Variants in DLG2 observed in about 807,000 individuals in gnomAD.
DLG2 encodes discs large MAGUK scaffold protein 2.
In DLG2, 45 loss-of-function variants were observed where a neutral mutation model predicts 132.5. That is an observed-to-expected ratio of 0.34 (90% confidence interval 0.27 to 0.44). DLG2 has a LOEUF of 0.44. Among genes scored for constraint, DLG2 ranks in the 20% least tolerant of loss-of-function variants. The probability of loss-of-function intolerance (pLI) is 1.00; values close to 1 mark genes in which losing one functional copy is unlikely to be tolerated. For synonymous variants in DLG2, 424 were observed against 419.6 expected, an observed-to-expected ratio of 1.01 and a Z score of -0.13; for missense variants, 1,045 against 1,196.9, an observed-to-expected ratio of 0.87 and a Z score of 1.87.
intron 18 of DLG2, among the ~76,000 whole-genome samples, chr11:83,699,964 C>CACACACACAA (rs1332813357): frequency 6.6e-6 from 1 of 150,518 alleles, no homozygotes; most frequent in African/African-American, 2.4e-5. Context: ...CACACACACA[C>CACACACACAA]AAATACAGTT....
intron 11 of DLG2, among the ~76,000 whole-genome samples, chr11:83,989,011 C>T (rs2093540696): frequency 2.0e-5 from 3 of 152,054 alleles, no homozygotes; most frequent in African/African-American, 7.2e-5. Flanking sequence ...AAACCAGTTA[C>T]ATACTTGCCT....
At chr11:83,665,192 G>T (rs2075264015) in intron 18 of DLG2, among the ~76,000 whole-genome samples, 1 of 152,172 alleles carries the variant, frequency 6.6e-6, no homozygotes, top group African/African-American at 2.4e-5. Context: ...AGAAAGAGGT[G>T]CCAAGCTACC....
intron 6 of DLG2, among the ~76,000 whole-genome samples, chr11:85,081,072 C>T (rs1460504021): frequency 6.6e-6 from 1 of 151,970 alleles, no homozygotes; most frequent in Non-Finnish European, 1.5e-5. Flanking sequence ...CTAATAAAAA[C>T]AAACAGGAAT....
At chr11:85,556,129 T>G (rs115328414) in intron 3 of DLG2, among the ~76,000 whole-genome samples, 1 of 151,992 alleles carries the variant, frequency 6.6e-6, no homozygotes, top group South Asian at 2.1e-4. Context: ...TGAGATATTG[T>G]TGAAATTGGC....
chr11:84,704,226 C>T (rs1254594881), intron 6 of DLG2, among the ~76,000 whole-genome samples: 4 of 151,310 alleles, frequency 2.6e-5, no homozygotes, highest in African/African-American at 9.7e-5. Flanking sequence ...AACTCACATC[C>T]CTACCTCTAT....
intron 7 of DLG2, among the ~76,000 whole-genome samples, chr11:84,342,557 G>C (rs1244034896): frequency 6.6e-6 from 1 of 152,090 alleles, no homozygotes; most frequent in African/African-American, 2.4e-5. Flanking sequence ...CCAAGGTAAA[G>C]CCTTTACTGC....
chr11:85,400,949 A>G (rs2088022737), intron 3 of DLG2, among the ~76,000 whole-genome samples: 1 of 151,790 alleles, frequency 6.6e-6, no homozygotes, highest in Non-Finnish European at 1.5e-5. Flanking sequence ...TAAAAAAAAA[A>G]AAAGAAAAAG....
Position 83,902,797 on chromosome 11 carries a change from A to G in DLG2, c.1496+27531T>C, listed in dbSNP as rs540116099. Among the ~76,000 whole-genome samples the G allele has an allele frequency of 2.6e-5, 4 of 152,252 alleles. 1 individual carries two copies. The South Asian group carries it at 8.3e-4, about 32-fold the overall frequency. On this transcript the variant is annotated intron_variant, in intron 15 of 27. Coordinates refer to ENST00000376104, the MANE Select transcript of DLG2 (RefSeq NM_001142699.3). ...ATTCAGTTTCCTGCCCCTGAGGATA[A>G]AAAAGCAGGGTATGGGGAACTGGAA... is the stretch of plus-strand genomic sequence containing the variant.
chr11:85,111,400 G>T (rs1223179821), intron 6 of DLG2, among the ~76,000 whole-genome samples: 1 of 152,028 alleles, frequency 6.6e-6, no homozygotes, highest in Non-Finnish European at 1.5e-5. Flanking sequence ...TCGTTTTAAT[G>T]ACCTTCCAAC....
chr11:85,201,882 A>T (rs1469143077), intron 4 of DLG2, among the ~76,000 whole-genome samples: 2 of 151,370 alleles, frequency 1.3e-5, no homozygotes, highest in East Asian at 3.9e-4. Flanking sequence ...TGTCAGAGAA[A>T]TGTAACAGAT....
intron 18 of DLG2, among the ~76,000 whole-genome samples, chr11:83,773,945 CT>C (rs771434653): frequency 2.0e-5 from 3 of 152,172 alleles, no homozygotes; most frequent in Non-Finnish European, 4.4e-5. Context: ...CATTTCTTGC[CT>C]TCTGATAAAC....
At chr11:84,596,495 T>C (rs2099558546) in intron 6 of DLG2, among the ~76,000 whole-genome samples, 2 of 151,836 alleles carry the variant, frequency 1.3e-5, no homozygotes, top group Non-Finnish European at 2.9e-5. Context: ...AGTGCTGGGA[T>C]TATAGGCTTG....
At chr11:85,481,561 T>C (rs2093290531) in intron 3 of DLG2, among the ~76,000 whole-genome samples, 1 of 151,938 alleles carries the variant, frequency 6.6e-6, no homozygotes, top group Non-Finnish European at 1.5e-5. Context: ...TGCCTCAGAT[T>C]CCAAAGCTAG....
chr11:83,647,269 A>T (rs987202245), intron 18 of DLG2, among the ~76,000 whole-genome samples: 7 of 146,140 alleles, frequency 4.8e-5, no homozygotes, highest in Non-Finnish European at 9.1e-5. Flanking sequence ...GGGCTTAGAC[A>T]AGGGTGGGGG....
chr11:84,569,865 C>A (rs1226903002), intron 6 of DLG2, among the ~76,000 whole-genome samples: 2 of 152,250 alleles, frequency 1.3e-5, no homozygotes, highest in South Asian at 4.1e-4. Context: ...GACTGGACAC[C>A]TGGGCTTTGC....
chr11:83,712,106 C>T (rs2085581324), intron 18 of DLG2, among the ~76,000 whole-genome samples: 1 of 152,052 alleles, frequency 6.6e-6, no homozygotes, highest in East Asian at 1.9e-4. Context: ...TGTAGTGATT[C>T]CTCAAAGACC....
At chr11:84,631,693 C>G (rs1006225838) in intron 6 of DLG2, among the ~76,000 whole-genome samples, 1 of 152,010 alleles carries the variant, frequency 6.6e-6, no homozygotes, top group Non-Finnish European at 1.5e-5. Context: ...ACAACAGTAA[C>G]AATACAACAA....
intron 19 of DLG2, among the ~76,000 whole-genome samples, chr11:83,557,078 T>A (rs763718766): frequency 2.6e-5 from 4 of 152,204 alleles, no homozygotes; most frequent in Non-Finnish European, 5.9e-5. Context: ...TGTTCTCTGT[T>A]TTCTCTTCTT....
intron 7 of DLG2, among the ~76,000 whole-genome samples, chr11:84,311,782 T>C (rs7106746): frequency 0.18 from 27,418 of 152,158 alleles, 2,713 homozygotes; most frequent in East Asian, 0.31. Flanking sequence ...AGGCATCTCT[T>C]TTAATGAACC....
Sources: allele counts gnomAD v4.1 joint callset (sites outside exome capture counted in the v4.1 genomes callset), GRCh38; gene constraint gnomAD v4.1.1; transcripts MANE v1.5; gene names NCBI Gene and HGNC (gene_info 2026-07-23, HGNC 2026-07-21).